ZZEF1: variants seen among roughly 807,000 people sequenced by gnomAD.
The protein encoded by ZZEF1 is zinc finger ZZ-type and EF-hand domain containing 1.
ZZEF1 carries 157 observed loss-of-function variants against 342.8 expected under a neutral mutation model. The observed-to-expected ratio is 0.46, with a 90% CI of 0.40 to 0.52. The LOEUF (loss-of-function observed/expected upper bound fraction) is 0.52, where lower values mean the gene tolerates loss of function less well. ZZEF1 is among the 20% of genes least tolerant of loss of function. The pLI is 0.00. For synonymous variants in ZZEF1, 1,505 were observed against 1,429.1 expected (o/e 1.05, Z -1.20); for missense variants, 3,480 against 3,725.6 (o/e 0.93, Z 1.72).
intron 49 of ZZEF1, among the ~76,000 whole-genome samples, chr17:4,015,088 A>G (rs1321529671): frequency 3.3e-5 from 5 of 152,214 alleles, no homozygotes; most frequent in Admixed American, 2.6e-4. Context: ...ACAGTGTAGC[A>G]TCACTGACAG....
At chr17:4,116,820 G>A in intron 3 of ZZEF1, 152 bp downstream of exon 3, 1 of 794,346 alleles carries the variant, frequency 1.3e-6, no homozygotes, top group Non-Finnish European at 1.9e-6. Flanking sequence ...AGAAGAAAGG[G>A]AATGAGGAGA....
intron 12 of ZZEF1, among the ~76,000 whole-genome samples, chr17:4,089,807 G>A (rs1160959431): frequency 7.4e-4 from 46 of 62,392 alleles, no homozygotes; most frequent in African/African-American, 2.5e-3. Flanking sequence ...AGCCTGAGAC[G>A]CCCTCCTCCA....
At chr17:4,051,870 T>C in intron 35 of ZZEF1, 101 bp downstream of exon 35, 1 of 1,305,608 alleles carries the variant, frequency 7.7e-7, no homozygotes, top group East Asian at 2.6e-5. Context: ...TGTTTAAATT[T>C]TTAAATAAAA....
In ZZEF1 at chr17:4,017,279, G is replaced by C. The variant is rs2056131181; in HGVS notation, c.8001+92C>G. ...GTCAGGGAGCTGCACAGCCACACAG[G>C]TAGCCTCGCTCCAGGAAGCACTCAC... On this transcript the variant is annotated intron_variant, in intron 48 of 54. Coordinates refer to ENST00000381638, the MANE Select transcript of ZZEF1 (RefSeq NM_015113.4). The surrounding 1 kb of genome is among the most constrained non-coding windows in gnomAD (Gnocchi z 5.1). The C allele has an allele frequency of 6.6e-7, 1 of 1,507,488 alleles. No homozygotes were observed. Among genetic ancestry groups the C allele is most frequent in the Non-Finnish European group, 8.9e-7 (1 of 1,127,114 alleles). 93.4% of individuals were successfully genotyped at this position (1,507,488 alleles called of 1,614,324 possible). A position where few individuals can be genotyped will look rare whatever the true frequency, so the allele number is the denominator to read the frequency against.
chr17:4,048,909 A>T (rs1159039765), intron 37 of ZZEF1, among the ~76,000 whole-genome samples: 1 of 147,312 alleles, frequency 6.8e-6, no homozygotes, highest in Non-Finnish European at 1.5e-5. Context: ...TAGTAGAGAC[A>T]GGGTTTCACC....
In ZZEF1 at chr17:4,075,331, G is replaced by A. The variant is rs372277254; in HGVS notation, c.3333C>T (p.Ser1111=). 26 of 1,614,182 alleles carry A rather than the reference G, an allele frequency of 1.6e-5. No individual in the cohort carries two copies. The Middle Eastern group carries it at 6.6e-4, about 41-fold the overall frequency. ...AGGTTGCCCCTGGGCTAACAAAGAC[G>A]GATACCTCATGGCAATTATTTTCAT... The part of the protein sequence containing the change: ...HNYENNCHEV[S]VFVSPGATYF... Residue 1111 remains serine, a synonymous_variant, in exon 22 of 55, where the codon TCC becomes TCT. Coordinates refer to ENST00000381638, the MANE Select transcript of ZZEF1 (RefSeq NM_015113.4).
At chr17:4,113,533 T>C (rs1419411957) in intron 4 of ZZEF1, among the ~76,000 whole-genome samples, 1 of 152,062 alleles carries the variant, frequency 6.6e-6, no homozygotes, top group Non-Finnish European at 1.5e-5. Context: ...AGTGTGGTGG[T>C]GGGCAGCTTT....
In ZZEF1 at chr17:4,022,732, T is replaced by C. The variant is rs1567768651; in HGVS notation, c.7189A>G (p.Thr2397Ala). The C allele has an allele frequency of 6.2e-7, 1 of 1,613,898 alleles. No individual in the cohort carries two copies. Residue 2397 changes from threonine (T) to alanine (A), a missense_variant, in exon 44 of 55, where the codon ACG (threonine) becomes GCG (alanine). Physicochemically the swap from Thr to Ala is moderately conservative, Grantham distance 58. This residue lies in a region of ZZEF1 where 1,269 missense variants were observed against 1,342.4 expected (regional missense o/e 0.95). Coordinates refer to ENST00000381638, the MANE Select transcript of ZZEF1 (RefSeq NM_015113.4). ...KCSKGTGFSKTWLLRDLEILS... is the reference protein window; with the variant it reads ...KCSKGTGFSKAWLLRDLEILS... ...ACTTCCAGGTCCCGGAGGAGCCACG[T>C]TTTACTAAAGCCAGTCCCTTTGCTG... is the stretch of plus-strand genomic sequence containing the variant.
rs763746701 is a variant in ZZEF1 at position 4,034,089 on chromosome 17, C to T, written c.6510G>A (p.Gly2170=). 1 of 1,614,190 alleles carries T rather than the reference C, an allele frequency of 6.2e-7. No individual in the cohort carries two copies. The highest frequency in any genetic ancestry group is 1.1e-5 in the South Asian group (1 of 91,086). The change falls in exon 40 of 55, where the codon GGG becomes GGA. Residue 2170 remains glycine (G), a synonymous_variant. Transcript: ENST00000381638. The part of the protein sequence containing the change: ...LSAKHNLFAA[G]DSSIVPDGWK... ...AGCCATCTGGCACAATGGAACTGTC[C>T]CCTGCAGCAAACAGGTTGTGTTTGG...
chr17:4,123,914 C>T lies in ZZEF1; in HGVS notation c.492G>A (p.Leu164=). 1 of 1,613,086 alleles carries T rather than the reference C, an allele frequency of 6.2e-7. No individual in the cohort carries two copies. The highest frequency in any genetic ancestry group is 8.5e-7 in the Non-Finnish European group (1 of 1,179,662). ...CCTAGATGGAAGCCTCACCTGGAACCAGAGAGCAGGCCTGTAGTTGTCTGA... is the reference window on the plus strand; with the variant it reads ...CCTAGATGGAAGCCTCACCTGGAACTAGAGAGCAGGCCTGTAGTTGTCTGA... ...HIIRQLQACS[L]VPGFTDIFSE... The change falls in exon 2 of 55, where the codon CTG becomes CTA. Residue 164 remains leucine (L), a synonymous_variant. Transcript: ENST00000381638.
At chr17:4,080,334 TTTTGTTTG>T (rs151310316) in intron 18 of ZZEF1, among the ~76,000 whole-genome samples, 3 of 44,104 alleles carry the variant, frequency 6.8e-5, no homozygotes, top group Admixed American at 3.2e-4. Flanking sequence ...TTTTTTTGTT[TTTTGTTTG>T]TTTGTTTGTT....
At chr17:4,100,119 G>A (rs2058102681) in intron 9 of ZZEF1, among the ~76,000 whole-genome samples, 1 of 152,080 alleles carries the variant, frequency 6.6e-6, no homozygotes, top group African/African-American at 2.4e-5. Context: ...GTCCAAAAGT[G>A]GTACTTCCCC....
intron 21 of ZZEF1, 97 bp from the exon 22 acceptor site, chr17:4,075,526 G>A: frequency 7.2e-7 from 1 of 1,389,516 alleles, no homozygotes; most frequent in South Asian, 1.4e-5. Flanking sequence ...CCAGGCAGAT[G>A]GCCTTGACAG....
Position 4,064,619 on chromosome 17 carries a change from T to G in ZZEF1, c.4460A>C (p.Gln1487Pro). 6.2e-7 allele frequency: 1 copy of G among 1,614,182 alleles called. No homozygotes were observed. The change falls in exon 29 of 55, where the codon CAG (glutamine) becomes CCG (proline). Residue 1487 changes from glutamine (Q) to proline (P), a missense_variant. Around this residue, in one of 5 missense-constraint regions of ZZEF1, gnomAD observed 1,528 missense variants for 1,624.1 expected, o/e 0.94. Coordinates refer to ENST00000381638, the MANE Select transcript of ZZEF1 (RefSeq NM_015113.4). The stretch of plus-strand genomic sequence containing the variant: ...TGGCTGGGTGCCCAGGCCAGGACTC[T>G]GGTCTCCTGTGGCAGGGGGTGCGGC... The part of the protein sequence containing the change: ...TEAAPPATGD[Q>P]SPGLGTQPKL...
chr17:4,023,149 GT>G (rs2056313985), intron 43 of ZZEF1, among the ~76,000 whole-genome samples: 1 of 152,172 alleles, frequency 6.6e-6, no homozygotes, highest in Admixed American at 6.5e-5. Context: ...CACCACGCTT[GT>G]TCCATTTTGA....
chr17:4,022,974 C>A (rs2056308462), intron 43 of ZZEF1, 146 bp from the exon 44 acceptor site: 2 of 1,138,854 alleles, frequency 1.8e-6, no homozygotes, highest in East Asian at 5.3e-5. Flanking sequence ...ATGTCACACT[C>A]CCCTGCTCTA....
At chr17:4,054,243 C>CCA (rs749943367) in intron 33 of ZZEF1, 48 bp from the exon 34 acceptor site, 52 of 1,576,656 alleles carry the variant, frequency 3.3e-5, no homozygotes, top group Non-Finnish European at 4.4e-5. Flanking sequence ...TCTAAGGTGG[C>CCA]CACAATTCAC....
chr17:4,022,166 G>A (rs973491952), intron 44 of ZZEF1, among the ~76,000 whole-genome samples: 2 of 151,974 alleles, frequency 1.3e-5, no homozygotes, highest in African/African-American at 2.4e-5. Flanking sequence ...CCTATGTGGC[G>A]GCAGCCTTTC....
chr17:4,027,265 T>A (rs1167744983), intron 42 of ZZEF1, among the ~76,000 whole-genome samples: 1 of 138,664 alleles, frequency 7.2e-6, no homozygotes, highest in Non-Finnish European at 1.5e-5. Flanking sequence ...GTATAAGACC[T>A]ACGCACCCAG....
Sources: gnomAD v4.1 joint callset for allele counts (sites outside exome capture counted in the v4.1 genomes callset) on GRCh38, gnomAD v4.1.1 for gene constraint, gnomAD v4.1.1 regional missense constraint, Gnocchi (gnomAD v3.1) non-coding constraint, MANE v1.5 for transcripts, NCBI Gene and HGNC (gene_info 2026-07-23, HGNC 2026-07-21) for gene names.